The following FRMD8 variants were observed in gnomAD, a reference collection of about 807,000 sequenced individuals.
The protein encoded by FRMD8 is FERM domain-containing protein 8.
A neutral mutation model predicts 54.2 loss-of-function variants in FRMD8; 37 were observed. The ratio of observed to expected loss-of-function variants is 0.68; its 90% CI spans 0.53 to 0.90. The LOEUF (loss-of-function observed/expected upper bound fraction) is 0.90, where lower values mean the gene tolerates loss of function less well. Ranked by LOEUF, FRMD8 falls within the 40% of genes least tolerant of loss-of-function variation. The probability of loss-of-function intolerance (pLI) is 0.00; values close to 1 mark genes in which losing one functional copy is unlikely to be tolerated. For missense variants in FRMD8, 585 were observed against 653.7 expected (o/e 0.89, Z 1.15); for synonymous variants, 246 against 286.9 (o/e 0.86, Z 1.44).
chr11:65,371,149 C>T, the FRMD8 span, among the ~76,000 whole-genome samples: 1 of 152,156 alleles, frequency 6.6e-6, no homozygotes, highest in Non-Finnish European at 1.5e-5. Flanking sequence ...GTCACATTCA[C>T]AGCATGGACC....
Position 65,411,309 on chromosome 11 carries a change from C to A in FRMD8, c.1344C>A (p.Gly448=). 6.2e-7 allele frequency: 1 copy of A among 1,608,994 alleles called. No homozygotes were observed. The highest frequency in any genetic ancestry group is 8.5e-7 in the Non-Finnish European group (1 of 1,179,022). ...TCTTCAGCCGGCAGCTGTCCTTGGG[C>A]CAGGGGAGCTACACCGTGGTGCAGC... The part of the protein sequence containing the change: ...TSFFSRQLSL[G]QGSYTVVQPG... The change falls in exon 11 of 11, where the codon GGC becomes GGA. Residue 448 remains glycine (G), a synonymous_variant. Coordinates refer to ENST00000317568, the MANE Select transcript of FRMD8 (RefSeq NM_031904.5).
At position 65,394,252 on chromosome 11, in the gene FRMD8, C is replaced by T. The variant is rs779960773; in HGVS notation, c.415-7C>T. ...TGAGCGGCTGTCCCTGCCACACCCC[C>T]CTGCAGATCCATGACGAGGAGGTCC... On this transcript the variant is annotated splice_polypyrimidine_tract_variant and splice_region_variant and intron_variant, in intron 5 of 10. Transcript: ENST00000317568. 8.1e-6 allele frequency: 13 copies of T among 1,600,174 alleles called. No individual in the cohort carries two copies. The highest frequency in any genetic ancestry group is 1.1e-5 in the South Asian group (1 of 89,088).
Position 65,411,649 on chromosome 11 carries a change from C to A in FRMD8, c.*289C>A, listed in dbSNP as rs1015248081. 2 of 313,188 alleles carry A rather than the reference C, an allele frequency of 6.4e-6. No individual in the cohort carries two copies. The highest frequency in any genetic ancestry group is 1.2e-5 in the Non-Finnish European group (2 of 169,284). 19.4% of individuals were successfully genotyped at this position (313,188 alleles called of 1,614,324 possible). ...CATCCGATCAAGCTGCAGCTGCCAC[C>A]CTCACCTAGAAACATGCCTTTGTGC... On this transcript the variant is annotated 3_prime_UTR_variant, in exon 11 of 11. Coordinates refer to ENST00000317568, the MANE Select transcript of FRMD8 (RefSeq NM_031904.5).
Position 65,389,481 on chromosome 11 carries a change from A to G in FRMD8, c.206A>G (p.Asp69Gly). 1.9e-6 allele frequency: 3 copies of G among 1,608,190 alleles called. No homozygotes were observed. The highest frequency in any genetic ancestry group is 2.5e-6 in the Non-Finnish European group (3 of 1,179,866). ...RAVREVLQLPDIALDVFALWL... is the reference protein window; with the variant it reads ...RAVREVLQLPGIALDVFALWL... ...GTCCGCGAGGTCCTGCAGCTTCCAG[A>G]CATCGCCCTGGATGTCTTCGCGCTC... Residue 69 changes from aspartate to glycine, a missense_variant, in exon 3 of 11, where the codon GAC (aspartate) becomes GGC (glycine). Asp to Gly is a moderately conservative substitution (Grantham distance 94). Transcript: ENST00000317568.
In FRMD8 at chr11:65,413,175, G is replaced by A. The variant is rs1171953844; in HGVS notation, c.*1815G>A. 1 of 152,162 alleles carries A rather than the reference G, an allele frequency of 6.6e-6. No individual in the cohort carries two copies. Among genetic ancestry groups the A allele is most frequent in the African/African-American group, 2.4e-5 (1 of 41,402 alleles). The allele number at this position is 152,162 out of a possible 1,614,324, so 9.4% of individuals were successfully genotyped here. ...CGCTGATTTTTGTATTTTTAGTAGA[G>A]ATAGGGTTTCACCATGTTGGTCAGG... is the stretch of plus-strand genomic sequence containing the variant. On this transcript the variant is annotated 3_prime_UTR_variant, in exon 11 of 11. Transcript: ENST00000317568.
intron 2 of FRMD8, 57 bp from the exon 3 acceptor site, chr11:65,389,304 C>G: frequency 6.4e-7 from 1 of 1,574,680 alleles, no homozygotes; most frequent in Non-Finnish European, 8.6e-7. Flanking sequence ...CCTGGTTGGC[C>G]TGGCCTGGCT....
rs1855807677 is a variant in FRMD8 at position 65,389,789 on chromosome 11, TG to T, written c.253+264del. On this transcript the variant is annotated intron_variant, in intron 3 of 10. Transcript: ENST00000317568. ...CCTGCCCCCCAGGTCGTGCTGGGACTGGGTGGTCCAGGAACAGTACCGCAGG... is the reference window on the plus strand; with the variant it reads ...CCTGCCCCCCAGGTCGTGCTGGGACTGGTGGTCCAGGAACAGTACCGCAGG... Among the ~76,000 whole-genome samples, 2 of 151,894 alleles carry T rather than the reference TG, an allele frequency of 1.3e-5. 1 individual carries two copies. The highest frequency in any genetic ancestry group is 4.2e-4 in the South Asian group (2 of 4,808).
chr11:65,376,417 C>A, the FRMD8 span: 1 of 1,613,384 alleles, frequency 6.2e-7, no homozygotes, highest in Non-Finnish European at 8.5e-7. Context: ...TCATCCCCAC[C>A]AGCGGAGGAG....
the FRMD8 span, chr11:65,380,298 G>T: frequency 7.1e-7 from 1 of 1,400,436 alleles, no homozygotes; most frequent in Non-Finnish European, 1.0e-6. Context: ...TCAGACACAT[G>T]CAGCCACCTT....
At chr11:65,381,630 C>T (rs915711893), upstream of FRMD8, 2 of 298,818 alleles carry the variant, frequency 6.7e-6, no homozygotes, top group Non-Finnish European at 6.3e-6. Flanking sequence ...TGCAGTGGTG[C>T]AGTCATAGCT....
chr11:65,404,917 G>A lies in FRMD8; in HGVS notation c.1125G>A (p.Ala375=), dbSNP rs776692358. The change falls in exon 10 of 11, where the codon GCG becomes GCA. Residue 375 remains alanine, a synonymous_variant. Coordinates refer to ENST00000317568, the MANE Select transcript of FRMD8 (RefSeq NM_031904.5). This position sits in a 1 kb window ranked among gnomAD's most constrained non-coding sequence, Gnocchi z 4.7. ...IEYCIELSQA[A]EPAGPQDSAT... ...ACTGCATCGAACTGAGCCAGGCGGC[G>A]GAGCCCGCAGGCCCCCAGGACAGTG... 1.1e-5 allele frequency: 17 copies of A among 1,613,174 alleles called. No homozygotes were observed. Among genetic ancestry groups the A allele is most frequent in the Middle Eastern group, 1.6e-4 (1 of 6,080 alleles).
At chr11:65,403,260 G>A (rs528740494) in intron 9 of FRMD8, among the ~76,000 whole-genome samples, 1 of 152,218 alleles carries the variant, frequency 6.6e-6, no homozygotes, top group Admixed American at 6.5e-5. Context: ...TCAGCTCACT[G>A]CAACCTCCGC....
At position 65,403,620 on chromosome 11, in the gene FRMD8, G is replaced by A. The variant is rs182414443; in HGVS notation, c.1072-1244G>A. 5.5e-4 allele frequency among the ~76,000 whole-genome samples: 84 copies of A among 152,282 alleles called. 1 individual carries two copies. Among genetic ancestry groups the A allele is most frequent in the African/African-American group, 1.9e-3 (80 of 41,564 alleles). ...CCCAGTGTAGGATGGATAGGTGTGC[G>A]CAGGCGTCCCTGACGCACCTGGCCT... On this transcript the variant is annotated intron_variant, in intron 9 of 10. Transcript: ENST00000317568.
chr11:65,374,986 G>GAAAAAGAAAAAT, the FRMD8 span, among the ~76,000 whole-genome samples: 1 of 151,678 alleles, frequency 6.6e-6, no homozygotes, highest in African/African-American at 2.4e-5. Flanking sequence ...AAAAAATAGA[G>GAAAAAGAAAAAT]AAAAAGAAAA....
chr11:65,403,635 G>A (rs982011976), intron 9 of FRMD8, among the ~76,000 whole-genome samples: 4 of 152,218 alleles, frequency 2.6e-5, no homozygotes, highest in Non-Finnish European at 5.9e-5. Context: ...CGTCCCTGAC[G>A]CACCTGGCCT....
chr11:65,410,356 G>A (rs1240475307), intron 10 of FRMD8, among the ~76,000 whole-genome samples: 5 of 151,780 alleles, frequency 3.3e-5, no homozygotes, highest in African/African-American at 7.3e-5. Flanking sequence ...ATTAGTGTGC[G>A]TGGTGGCGCA....
chr11:65,368,152 T>A, the FRMD8 span: 1 of 143,628 alleles, frequency 7.0e-6, no homozygotes, highest in African/African-American at 2.6e-5. Context: ...CCTGACTCAC[T>A]GCAACCTCCA....
At chr11:65,410,510 G>A (rs1351856249) in intron 10 of FRMD8, among the ~76,000 whole-genome samples, 2 of 149,896 alleles carry the variant, frequency 1.3e-5, no homozygotes, top group African/African-American at 4.9e-5. Context: ...AAAACAAAAG[G>A]CCGGGCGCAG....
intron 2 of FRMD8, 100 bp from the exon 3 acceptor site, chr11:65,389,261 G>T: frequency 8.7e-7 from 1 of 1,154,098 alleles, no homozygotes; most frequent in South Asian, 1.3e-5. Flanking sequence ...GGTGTAGGGT[G>T]GGGGCTCCAG....
Sources: gnomAD v4.1 joint callset for allele counts (sites outside exome capture counted in the v4.1 genomes callset) on GRCh38, gnomAD v4.1.1 for gene constraint, Gnocchi (gnomAD v3.1) non-coding constraint, MANE v1.5 for transcripts, NCBI Gene and HGNC (gene_info 2026-07-23, HGNC 2026-07-21) for gene names.